The following SYNE1 variants were observed in gnomAD, a reference collection of about 807,000 sequenced individuals.
SYNE1 encodes nesprin-1.
In SYNE1, 616 loss-of-function variants were observed where a neutral mutation model predicts 1,111.0. The observed-to-expected ratio is 0.55, with a 90% CI of 0.52 to 0.59. The LOEUF (loss-of-function observed/expected upper bound fraction) is 0.59. SYNE1 is among the 20% of genes least tolerant of loss of function. SYNE1 has a pLI of 0.00. For missense variants in SYNE1, 10,006 were observed against 10,417.0 expected (o/e 0.96, Z 1.72); for synonymous variants, 3,855 against 3,825.8 (o/e 1.01, Z -0.28).
intron 25 of SYNE1, among the ~76,000 whole-genome samples, chr6:152,451,739 C>T (rs2098652795): frequency 6.6e-6 from 1 of 151,962 alleles, no homozygotes; most frequent in African/African-American, 2.4e-5. Flanking sequence ...CCTCAGATTC[C>T]CAAAGTGCTG....
intron 65 of SYNE1, among the ~76,000 whole-genome samples, 158 bp from the exon 66 acceptor site, chr6:152,358,695 A>C (rs1350751735): frequency 6.6e-6 from 1 of 152,198 alleles, no homozygotes; most frequent in Non-Finnish European, 1.5e-5. Flanking sequence ...ATTTATGTAA[A>C]AATATAAAAA....
intron 99 of SYNE1, 28 bp downstream of exon 99, chr6:152,269,127 A>T: frequency 6.2e-7 from 1 of 1,614,138 alleles, no homozygotes; most frequent in South Asian, 1.1e-5. Flanking sequence ...CAGATCTGCA[A>T]GCTAGAGAGA....
At chr6:152,369,413 C>CGACAGAG in intron 60 of SYNE1, 58 bp downstream of exon 60, 1 of 1,612,456 alleles carries the variant, frequency 6.2e-7, no homozygotes, top group Non-Finnish European at 8.5e-7. Context: ...TCTGTAAGGT[C>CGACAGAG]GACAGAGGAC....
intron 46 of SYNE1, among the ~76,000 whole-genome samples, chr6:152,403,729 A>G (rs2097853470): frequency 6.6e-6 from 1 of 152,112 alleles, no homozygotes; most frequent in South Asian, 2.1e-4. Context: ...CTCAATAAAC[A>G]AACAAACAAC....
intron 98 of SYNE1, among the ~76,000 whole-genome samples, chr6:152,277,091 C>T (rs929780318): frequency 1.3e-5 from 2 of 151,034 alleles, no homozygotes; most frequent in Admixed American, 6.6e-5. Context: ...GGGGTTTCAC[C>T]GTGTTAGCCA....
At chr6:152,174,749 C>G (rs1393847595) in intron 130 of SYNE1, among the ~76,000 whole-genome samples, 1 of 152,184 alleles carries the variant, frequency 6.6e-6, no homozygotes, top group Non-Finnish European at 1.5e-5. Flanking sequence ...ACCTTAGCCC[C>G]TGTATCTGTA....
At chr6:152,410,059 T>C (rs2097995307) in intron 42 of SYNE1, among the ~76,000 whole-genome samples, 1 of 152,242 alleles carries the variant, frequency 6.6e-6, no homozygotes, top group African/African-American at 2.4e-5. Flanking sequence ...TCTTTTTCCA[T>C]GTTGTTTTAA....
chr6:152,302,348 A>C (rs1044476232), intron 91 of SYNE1: 4 of 521,632 alleles, frequency 7.7e-6, no homozygotes, highest in Non-Finnish European at 1.4e-5. Context: ...TAATCGCGAG[A>C]GGCCCCATAT....
At chr6:152,264,102 G>T (rs147483761) in intron 100 of SYNE1, among the ~76,000 whole-genome samples, 4 of 149,718 alleles carry the variant, frequency 2.7e-5, no homozygotes, top group Non-Finnish European at 4.4e-5. Context: ...CCAGCTACTC[G>T]GGAGGCTGAG....
intron 129 of SYNE1, among the ~76,000 whole-genome samples, chr6:152,178,999 C>T (rs1477230142): frequency 6.7e-6 from 1 of 150,162 alleles, no homozygotes; most frequent in Non-Finnish European, 1.5e-5. Flanking sequence ...CTGCAACCTC[C>T]ATCTCCTGGG....
intron 2 of SYNE1, among the ~76,000 whole-genome samples, chr6:152,629,962 G>T (rs972418803): frequency 6.6e-6 from 1 of 152,070 alleles, no homozygotes; most frequent in Non-Finnish European, 1.5e-5. Flanking sequence ...TTATAACTTG[G>T]ATTATAGTCC....
chr6:152,328,263 C>A (rs987826894), intron 78 of SYNE1, among the ~76,000 whole-genome samples: 5 of 152,084 alleles, frequency 3.3e-5, no homozygotes, highest in African/African-American at 1.2e-4. Flanking sequence ...TATCCTTTAC[C>A]TAAAGGGTTG....
At chr6:152,321,070 T>C (rs539690574) in intron 84 of SYNE1, among the ~76,000 whole-genome samples, 168 bp downstream of exon 84, 161 of 152,346 alleles carry the variant, frequency 1.1e-3, no homozygotes, top group African/African-American at 3.8e-3. Context: ...TCTATGATCA[T>C]CTTGCCTATG....
Position 152,499,998 on chromosome 6 carries a change from G to A in SYNE1, c.889-1206C>T, listed in dbSNP as rs921397123. On this transcript the variant is annotated intron_variant, in intron 10 of 145. Coordinates refer to ENST00000367255, the MANE Select transcript of SYNE1 (RefSeq NM_182961.4). Reference sequence around the variant, plus strand: ...ATTTTTGCATTAAACTCCTGCTCATGAGCATTAACTAAAGCATCTCCTTTT... The same window carrying A: ...ATTTTTGCATTAAACTCCTGCTCATAAGCATTAACTAAAGCATCTCCTTTT... Among the ~76,000 whole-genome samples, 6 of 152,104 alleles carry A rather than the reference G, an allele frequency of 3.9e-5. No individual in the cohort carries two copies. The South Asian group carries it at 1.0e-3, about 26-fold the overall frequency.
chr6:152,624,376 C>G (rs917196957), intron 3 of SYNE1, among the ~76,000 whole-genome samples: 1 of 152,090 alleles, frequency 6.6e-6, no homozygotes, highest in Non-Finnish European at 1.5e-5. Flanking sequence ...AGTCAGTCAA[C>G]AAGTTCTTTT....
intron 84 of SYNE1, among the ~76,000 whole-genome samples, chr6:152,319,637 G>T (rs542472811): frequency 2.0e-5 from 3 of 152,072 alleles, no homozygotes; most frequent in Non-Finnish European, 4.4e-5. Context: ...ATAAAATGCC[G>T]AAGAAAAGAC....
At chr6:152,494,742 T>C (rs562510950) in intron 11 of SYNE1, among the ~76,000 whole-genome samples, 1 of 152,210 alleles carries the variant, frequency 6.6e-6, no homozygotes, top group Non-Finnish European at 1.5e-5. Flanking sequence ...AATGACTCTT[T>C]AATAAAAACT....
intron 3 of SYNE1, among the ~76,000 whole-genome samples, chr6:152,577,135 C>G (rs2099499804): frequency 6.6e-6 from 1 of 152,144 alleles, no homozygotes; most frequent in African/African-American, 2.4e-5. Context: ...AAGAATAAAA[C>G]TTGCTGTTGC....
At chr6:152,231,784 A>ATGTGTGTGTGTGTG (rs369191135) in intron 113 of SYNE1, among the ~76,000 whole-genome samples, 1 of 148,840 alleles carries the variant, frequency 6.7e-6, no homozygotes, top group Non-Finnish European at 1.5e-5. Context: ...ATACGTGTGT[A>ATGTGTGTGTGTGTG]TGTGTGTGTG....
Sources: gnomAD v4.1 joint callset for allele counts (sites outside exome capture counted in the v4.1 genomes callset) on GRCh38, gnomAD v4.1.1 for gene constraint, MANE v1.5 for transcripts, NCBI Gene and HGNC (gene_info 2026-07-23, HGNC 2026-07-21) for gene names.